CSMD1: variants seen among roughly 807,000 people sequenced by gnomAD.
CSMD1 encodes the protein CUB and Sushi multiple domains 1, also known as CUB and sushi domain-containing protein 1.
CSMD1 carries 213 observed loss-of-function variants against 417.5 expected under a neutral mutation model. The observed-to-expected ratio is 0.51, with a 90% CI of 0.46 to 0.57. The LOEUF is 0.57. Among genes scored for constraint, CSMD1 ranks in the 20% least tolerant of loss-of-function variants. The pLI is 0.00. For missense variants in CSMD1, 6,923 were observed against 4,529.7 expected, an observed-to-expected ratio of 1.53 and a Z score of -15.17; for synonymous variants, 2,862 against 1,736.8, an observed-to-expected ratio of 1.65 and a Z score of -16.11.
chr8:4,040,307 G>C (rs1298003883), intron 3 of CSMD1, among the ~76,000 whole-genome samples: 1 of 152,176 alleles, frequency 6.6e-6, no homozygotes, highest in Admixed American at 6.5e-5. Flanking sequence ...ACTGTTCCAA[G>C]TCGTTTATAT....
chr8:3,831,354 G>A (rs1288691006), intron 5 of CSMD1, among the ~76,000 whole-genome samples: 3 of 152,140 alleles, frequency 2.0e-5, no homozygotes, highest in African/African-American at 4.8e-5. Flanking sequence ...ATTATTAACA[G>A]CACTTGCAAA....
chr8:4,971,106 C>G (rs576034526), intron 1 of CSMD1, among the ~76,000 whole-genome samples: 2 of 151,760 alleles, frequency 1.3e-5, no homozygotes, highest in Admixed American at 6.6e-5. Flanking sequence ...TTTTCATATA[C>G]CAAATTCAGA....
chr8:4,080,313 C>A (rs1800062252), intron 3 of CSMD1, among the ~76,000 whole-genome samples: 1 of 152,170 alleles, frequency 6.6e-6, no homozygotes, highest in Non-Finnish European at 1.5e-5. Flanking sequence ...AAGAGTAAGG[C>A]ACGATCTTAC....
chr8:3,946,048 C>T (rs1394659617), intron 5 of CSMD1, among the ~76,000 whole-genome samples: 8 of 152,054 alleles, frequency 5.3e-5, no homozygotes, highest in Admixed American at 5.2e-4. Flanking sequence ...CTACTTTTAC[C>T]TTTCTTTCAA....
chr8:4,747,717 G>A (rs763037835), intron 1 of CSMD1, among the ~76,000 whole-genome samples: 2 of 152,076 alleles, frequency 1.3e-5, no homozygotes, highest in African/African-American at 2.4e-5. Flanking sequence ...CTGGTCTCTA[G>A]ATGAATGAGA....
At position 3,672,374 on chromosome 8, in the gene CSMD1, C is replaced by G. The variant is rs983054887; in HGVS notation, c.1009+36040G>C. 2.6e-5 allele frequency among the ~76,000 whole-genome samples: 4 copies of G among 152,186 alleles called. No homozygotes were observed. The South Asian group carries it at 6.2e-4, about 24-fold the overall frequency. On this transcript the variant is annotated intron_variant, in intron 7 of 69. Transcript: ENST00000635120. ...TGTAGTGTGTGTCGGCATTTAGAACCCACTCTTGCATTCTCAACCACAGCT... is the reference window on the plus strand; with the variant it reads ...TGTAGTGTGTGTCGGCATTTAGAACGCACTCTTGCATTCTCAACCACAGCT...
intron 3 of CSMD1, among the ~76,000 whole-genome samples, chr8:4,059,108 C>G (rs1585225245): frequency 1.3e-5 from 2 of 152,180 alleles, no homozygotes; most frequent in African/African-American, 2.4e-5. Context: ...GACCACAGTG[C>G]AATCAAACTA....
chr8:3,435,059 G>C (rs1019917377), intron 12 of CSMD1, among the ~76,000 whole-genome samples: 4 of 151,994 alleles, frequency 2.6e-5, no homozygotes, highest in Non-Finnish European at 5.9e-5. Flanking sequence ...AGAAGCCCCT[G>C]GTGGGAGCTG....
chr8:4,702,028 T>C (rs1807591705), intron 1 of CSMD1, among the ~76,000 whole-genome samples: 1 of 152,098 alleles, frequency 6.6e-6, no homozygotes, highest in Non-Finnish European at 1.5e-5. Flanking sequence ...AAACACCGCA[T>C]CTTCTCACTT....
intron 1 of CSMD1, among the ~76,000 whole-genome samples, chr8:4,815,170 T>A (rs1056212286): frequency 2.0e-5 from 3 of 152,116 alleles, no homozygotes. Context: ...ATAATGAATG[T>A]CTCCAGATCA....
intron 5 of CSMD1, among the ~76,000 whole-genome samples, chr8:3,947,702 T>C (rs1436932302): frequency 3.9e-5 from 6 of 152,198 alleles, no homozygotes; most frequent in Non-Finnish European, 8.8e-5. Flanking sequence ...CAAACATTTT[T>C]AATTGACTAA....
chr8:4,190,414 T>C (rs1165442204), intron 3 of CSMD1, among the ~76,000 whole-genome samples: 7 of 152,170 alleles, frequency 4.6e-5, no homozygotes, highest in African/African-American at 1.4e-4. Context: ...TGACATTTAA[T>C]GATTAACGCT....
chr8:4,886,933 T>C (rs949474941), intron 1 of CSMD1, among the ~76,000 whole-genome samples: 2 of 152,100 alleles, frequency 1.3e-5, no homozygotes, highest in Admixed American at 1.3e-4. Flanking sequence ...TAACCAACTT[T>C]TGATTTCACT....
rs768054171 is a variant in CSMD1 at position 3,087,233 on chromosome 8, C to T, written c.7338G>A (p.Arg2446=). ...HPLKNGGILN[R]TAGAVGSKVH... ...CTTTGCTTCCAACCGCTCCTGCAGT[C>T]CTGTTTAGAATACCCCCATTCTTCA... Residue 2446 remains arginine, a synonymous_variant, in exon 49 of 70, where the codon AGG becomes AGA. Coordinates refer to ENST00000635120, the MANE Select transcript of CSMD1 (RefSeq NM_033225.6). 1 of 1,613,794 alleles carries T rather than the reference C, an allele frequency of 6.2e-7. No individual in the cohort carries two copies. Among genetic ancestry groups the T allele is most frequent in the Non-Finnish European group, 8.5e-7 (1 of 1,179,854 alleles).
intron 1 of CSMD1, among the ~76,000 whole-genome samples, chr8:4,882,289 C>T (rs1289986899): frequency 1.3e-5 from 2 of 151,746 alleles, no homozygotes; most frequent in South Asian, 2.1e-4. Context: ...CTCTAACTCA[C>T]GTGGCTGAAT....
At chr8:3,020,861 G>T (rs1809311681) in intron 51 of CSMD1, among the ~76,000 whole-genome samples, 2 of 152,216 alleles carry the variant, frequency 1.3e-5, no homozygotes, top group Admixed American at 1.3e-4. Context: ...AACTATTACA[G>T]TGTCATATCG....
chr8:3,775,261 G>A (rs1463267132), intron 5 of CSMD1, among the ~76,000 whole-genome samples: 3 of 152,138 alleles, frequency 2.0e-5, no homozygotes, highest in Non-Finnish European at 4.4e-5. Context: ...GTTAAACATT[G>A]GAAGATTTAA....
rs138207208 is a variant in CSMD1, at chr8:2,954,589, C to T, written c.9995-321G>A. 1.7e-3 allele frequency among the ~76,000 whole-genome samples: 257 copies of T among 152,236 alleles called. 2 individuals carry two copies. The highest frequency in any genetic ancestry group is 6.1e-3 in the African/African-American group (252 of 41,536). On this transcript the variant is annotated intron_variant, in intron 64 of 69. Transcript: ENST00000635120. ...GTATCCTGTTTGGAATACCCTGCCA[C>T]ATACTAAAAGGTAACACCCCACCCA...
chr8:3,437,723 C>G (rs1375730749), intron 12 of CSMD1, among the ~76,000 whole-genome samples: 1 of 151,908 alleles, frequency 6.6e-6, no homozygotes, highest in East Asian at 1.9e-4. Context: ...CCCACCAAAG[C>G]CACTATAGAT....
Sources: allele counts gnomAD v4.1 joint callset (sites outside exome capture counted in the v4.1 genomes callset), GRCh38; gene constraint gnomAD v4.1.1; transcripts MANE v1.5; gene names NCBI Gene and HGNC (gene_info 2026-07-23, HGNC 2026-07-21).